The following IMMP2L variants were observed in gnomAD, a reference collection of about 807,000 sequenced individuals.
The protein encoded by IMMP2L is mitochondrial inner membrane protease subunit 2.
A neutral mutation model predicts 19.3 loss-of-function variants in IMMP2L; 18 were observed. The observed-to-expected ratio is 0.93, with a 90% CI of 0.64 to 1.38. IMMP2L has a LOEUF of 1.38. IMMP2L is among the 40% of genes most tolerant of loss of function. The probability of loss-of-function intolerance (pLI) is 0.00; values close to 1 mark genes in which losing one functional copy is unlikely to be tolerated. For synonymous variants in IMMP2L, 76 were observed against 73.0 expected (o/e 1.04, Z -0.21); for missense variants, 233 against 218.2 (o/e 1.07, Z -0.43).
At chr7:111,499,708 T>A (rs1843966142) in intron 2 of IMMP2L, among the ~76,000 whole-genome samples, 1 of 152,080 alleles carries the variant, frequency 6.6e-6, no homozygotes, top group Admixed American at 6.5e-5. Flanking sequence ...TGGAGAGAAA[T>A]GTCCTTTAAT....
In IMMP2L at chr7:111,250,742, CA is replaced by C. The variant is rs1380207417; in HGVS notation, c.239+236495del. ...CTGGACCCCTTCCTTATACCTTATA[CA>C]AAAGGTAACTCAAGATGGATTAAAG... is the stretch of plus-strand genomic sequence containing the variant. On this transcript the variant is annotated intron_variant, in intron 3 of 5. Coordinates refer to ENST00000405709, the MANE Select transcript of IMMP2L (RefSeq NM_032549.4). 4.6e-5 allele frequency among the ~76,000 whole-genome samples: 7 copies of C among 152,040 alleles called. 1 individual carries two copies. Among genetic ancestry groups the C allele is most frequent in the Admixed American group, 4.6e-4 (7 of 15,260 alleles).
chr7:111,547,521 T>A (rs1005988775), intron 1 of IMMP2L, among the ~76,000 whole-genome samples: 2 of 137,656 alleles, frequency 1.5e-5, no homozygotes, highest in Admixed American at 7.2e-5. Flanking sequence ...CCCCCCTTTT[T>A]ATCCTGCTTT....
At chr7:111,189,072 A>G (rs985101914) in intron 3 of IMMP2L, among the ~76,000 whole-genome samples, 4 of 152,124 alleles carry the variant, frequency 2.6e-5, no homozygotes, top group African/African-American at 9.7e-5. Context: ...AAACTGGAGT[A>G]AGTGGTAGAG....
rs556781252 is a variant in IMMP2L, at chr7:111,144,825, T to C, written c.240-181260A>G. 3.9e-5 allele frequency among the ~76,000 whole-genome samples: 6 copies of C among 152,234 alleles called. No individual in the cohort carries two copies. The South Asian group carries it at 1.0e-3, about 26-fold the overall frequency. ...GTCGAGCAACACACAGGCCCTAATG[T>C]TACTAACAGTCTTGCAAAGGAGAAA... On this transcript the variant is annotated intron_variant, in intron 3 of 5. Transcript: ENST00000405709.
intron 5 of IMMP2L, among the ~76,000 whole-genome samples, chr7:110,809,767 A>G (rs1401043549): frequency 6.6e-6 from 1 of 152,082 alleles, no homozygotes; most frequent in African/African-American, 2.4e-5. Context: ...TCAGTTGGAT[A>G]CTTCATGAGT....
At chr7:111,277,353 C>T (rs1271110910) in intron 3 of IMMP2L, among the ~76,000 whole-genome samples, 1 of 151,956 alleles carries the variant, frequency 6.6e-6, no homozygotes, top group Non-Finnish European at 1.5e-5. Context: ...TGCTCAAAAT[C>T]ACTAATCATC....
intron 1 of IMMP2L, among the ~76,000 whole-genome samples, chr7:111,559,981 T>C (rs1791834574): frequency 6.6e-6 from 1 of 151,448 alleles, no homozygotes; most frequent in Admixed American, 6.6e-5. Context: ...AGAAAGAAAT[T>C]TACAATTTTA....
chr7:111,342,188 G>T (rs1827081465), intron 3 of IMMP2L, among the ~76,000 whole-genome samples: 1 of 152,154 alleles, frequency 6.6e-6, no homozygotes, highest in Non-Finnish European at 1.5e-5. Flanking sequence ...AGGAAGGTTA[G>T]ATTTGACTTA....
chr7:111,197,408 A>C (rs1809624905), intron 3 of IMMP2L, among the ~76,000 whole-genome samples: 1 of 152,184 alleles, frequency 6.6e-6, no homozygotes, highest in Non-Finnish European at 1.5e-5. Flanking sequence ...GCTTGCAGTG[A>C]GCTGAGATCA....
chr7:111,216,300 A>G (rs940546073), intron 3 of IMMP2L, among the ~76,000 whole-genome samples: 7 of 152,284 alleles, frequency 4.6e-5, no homozygotes, highest in Middle Eastern at 3.4e-3. Context: ...AGGATTAACT[A>G]TATCAGTATT....
intron 3 of IMMP2L, among the ~76,000 whole-genome samples, chr7:111,020,132 C>T (rs928108864): frequency 2.0e-5 from 3 of 151,298 alleles, no homozygotes. Flanking sequence ...ACCTGTAATC[C>T]CAGCACTTTG....
At chr7:110,692,639 G>A (rs1033512349) in intron 5 of IMMP2L, among the ~76,000 whole-genome samples, 20 of 151,912 alleles carry the variant, frequency 1.3e-4, no homozygotes, top group Admixed American at 2.6e-4. Flanking sequence ...TTCAAACTTC[G>A]CCGATTATTT....
intron 1 of IMMP2L, among the ~76,000 whole-genome samples, chr7:111,553,840 T>C (rs1408012988): frequency 6.6e-6 from 1 of 152,214 alleles, no homozygotes. Context: ...TGTCCACTTC[T>C]GGAGAAGGTC....
Position 111,384,118 on chromosome 7 carries a change from C to G in IMMP2L, c.239+103120G>C, listed in dbSNP as rs574146629. On this transcript the variant is annotated intron_variant, in intron 3 of 5. Coordinates refer to ENST00000405709, the MANE Select transcript of IMMP2L (RefSeq NM_032549.4). ...ATAACTATACCAGTGCACTCCAGCC[C>G]GCGTGGCAGAGTGAGAGCCCCCATC... Among the ~76,000 whole-genome samples the G allele has an allele frequency of 7.9e-4, 119 of 151,544 alleles. 3 individuals carry two copies. In the South Asian group the frequency reaches 0.024, roughly 30 times the overall value.
intron 1 of IMMP2L, among the ~76,000 whole-genome samples, chr7:111,554,464 C>T (rs1282642242): frequency 1.3e-5 from 2 of 152,110 alleles, no homozygotes; most frequent in Non-Finnish European, 2.9e-5. Flanking sequence ...CTCCCCGAAC[C>T]TCACCATGCC....
At chr7:111,006,082 A>G (rs1693373879) in intron 3 of IMMP2L, among the ~76,000 whole-genome samples, 1 of 152,160 alleles carries the variant, frequency 6.6e-6, no homozygotes, top group South Asian at 2.1e-4. Flanking sequence ...TGAGCCTAGA[A>G]GGCATTTTCA....
chr7:111,522,938 T>TATATATATATATATATATA (rs199823915), intron 1 of IMMP2L, among the ~76,000 whole-genome samples: 14 of 148,728 alleles, frequency 9.4e-5, no homozygotes, highest in African/African-American at 3.1e-4. Context: ...TATATATATA[T>TATATATATATATATATATA]TATTTCACCA....
intron 3 of IMMP2L, among the ~76,000 whole-genome samples, chr7:111,040,389 T>C (rs1167005589): frequency 6.6e-6 from 1 of 152,162 alleles, no homozygotes; most frequent in East Asian, 1.9e-4. Context: ...TTGAAAACTT[T>C]ATTCAAACAA....
intron 3 of IMMP2L, among the ~76,000 whole-genome samples, chr7:111,214,444 G>A (rs1370810828): frequency 7.6e-6 from 1 of 130,828 alleles, no homozygotes; most frequent in African/African-American, 2.9e-5. Flanking sequence ...CTGGGTTCAA[G>A]TGATTCTCCT....
Sources: allele counts gnomAD v4.1 joint callset (sites outside exome capture counted in the v4.1 genomes callset), GRCh38; gene constraint gnomAD v4.1.1; transcripts MANE v1.5; gene names NCBI Gene and HGNC (gene_info 2026-07-23, HGNC 2026-07-21).